The following STARD13 variants were observed in gnomAD, a reference collection of about 807,000 sequenced individuals.
The protein encoded by STARD13 is stAR-related lipid transfer protein 13.
In STARD13, 62 loss-of-function variants were observed where a neutral mutation model predicts 106.4. The ratio of observed to expected loss-of-function variants is 0.58; its 90% CI spans 0.48 to 0.72. The LOEUF (loss-of-function observed/expected upper bound fraction) is 0.72, where lower values mean the gene tolerates loss of function less well. STARD13 is among the 30% of genes least tolerant of loss of function. The pLI is 0.00. For synonymous variants in STARD13, 565 were observed against 553.0 expected (o/e 1.02, Z -0.31); for missense variants, 1,387 against 1,424.0 (o/e 0.97, Z 0.42).
the STARD13 span, among the ~76,000 whole-genome samples, chr13:33,502,874 TATCAGGATG>T: frequency 6.6e-6 from 1 of 152,136 alleles, no homozygotes; most frequent in Non-Finnish European, 1.5e-5. Context: ...CAGGCGTTGG[TATCAGGATG>T]ATGCTGGCCT....
At chr13:33,541,355 T>C in the STARD13 span, among the ~76,000 whole-genome samples, 1 of 152,218 alleles carries the variant, frequency 6.6e-6, no homozygotes. Flanking sequence ...TGTTTTCTAG[T>C]ATCTTCCAAC....
At chr13:33,666,398 G>T in the STARD13 span, among the ~76,000 whole-genome samples, 1 of 151,880 alleles carries the variant, frequency 6.6e-6, no homozygotes, top group East Asian at 1.9e-4. Context: ...GGTTCACGCC[G>T]TTCTCCTGCC....
At chr13:33,379,991 AAC>A in the STARD13 span, among the ~76,000 whole-genome samples, 1 of 139,222 alleles carries the variant, frequency 7.2e-6, no homozygotes, top group South Asian at 2.1e-4. Flanking sequence ...GACTCATAAA[AAC>A]ACATAATTTT....
intron 1 of STARD13, among the ~76,000 whole-genome samples, chr13:33,226,153 C>T (rs78419462): frequency 0.013 from 1,960 of 152,308 alleles, 55 homozygotes; most frequent in African/African-American, 0.045. Context: ...CTTCCATCCT[C>T]CAGAACTGTG....
At chr13:33,584,018 T>A in the STARD13 span, among the ~76,000 whole-genome samples, 1 of 152,264 alleles carries the variant, frequency 6.6e-6, no homozygotes, top group Non-Finnish European at 1.5e-5. Flanking sequence ...TAATTCTATC[T>A]GTAATTTTTT....
At chr13:33,502,826 G>A in the STARD13 span, among the ~76,000 whole-genome samples, 93 of 152,186 alleles carry the variant, frequency 6.1e-4, no homozygotes, top group Non-Finnish European at 1.1e-3. Context: ...GTTCATCAGG[G>A]ATATTTGTCT....
the STARD13 span, among the ~76,000 whole-genome samples, chr13:33,356,329 A>T: frequency 2.6e-5 from 4 of 152,372 alleles, no homozygotes; most frequent in East Asian, 7.7e-4. Flanking sequence ...CTGTCTTAGT[A>T]TACATAGAGT....
the STARD13 span, among the ~76,000 whole-genome samples, chr13:33,592,304 T>C: frequency 6.6e-6 from 1 of 152,230 alleles, no homozygotes; most frequent in Admixed American, 6.5e-5. Flanking sequence ...CTTTAGTTTG[T>C]ATCAGTTTTC....
rs1331618733 is a variant in STARD13, at chr13:33,222,648, T to C, written c.170-55026A>G. Among the ~76,000 whole-genome samples the C allele has an allele frequency of 2.0e-5, 3 of 152,206 alleles. No individual in the cohort carries two copies. In the South Asian group the frequency reaches 6.2e-4, roughly 32 times the overall value. On this transcript the variant is annotated intron_variant, in intron 1 of 13. Transcript: ENST00000336934. ...CTGTTGCCTTTTCCTACGACACACA[T>C]CATGTCTACTTCTCCTGGGTTTCCA...
chr13:33,242,104 T>C lies in STARD13; in HGVS notation c.169+43366A>G, dbSNP rs1889547755. Reference sequence around the variant, plus strand: ...CAGTCTGGGATCTGAGGAGTGTCTCTGCCCCGCCGCCACCCCATCTGGAAG... The same window carrying C: ...CAGTCTGGGATCTGAGGAGTGTCTCCGCCCCGCCGCCACCCCATCTGGAAG... On this transcript the variant is annotated intron_variant, in intron 1 of 13. Transcript: ENST00000336934. Among the ~76,000 whole-genome samples, 3 of 151,658 alleles carry C rather than the reference T, an allele frequency of 2.0e-5. No individual in the cohort carries two copies. In the South Asian group the frequency reaches 6.3e-4, roughly 32 times the overall value.
intron 5 of STARD13, 122 bp downstream of exon 5, chr13:33,128,807 A>G (rs1566005588): frequency 1.0e-6 from 1 of 955,554 alleles, no homozygotes; most frequent in East Asian, 2.5e-5. Context: ...CTAATCACAT[A>G]CATCACTTAG....
intron 1 of STARD13, among the ~76,000 whole-genome samples, chr13:33,283,180 C>G (rs998353443): frequency 6.6e-6 from 1 of 152,082 alleles, no homozygotes; most frequent in Non-Finnish European, 1.5e-5. Flanking sequence ...GTGACCAATT[C>G]TGGTCCTATA....
intron 7 of STARD13, among the ~76,000 whole-genome samples, chr13:33,124,048 G>A (rs926041845): frequency 2.6e-5 from 4 of 152,214 alleles, no homozygotes; most frequent in African/African-American, 9.7e-5. Flanking sequence ...TTCGTTTGGT[G>A]TTGCTCTCCT....
At chr13:33,292,159 G>A (rs1220614744) in intron 1 of STARD13, among the ~76,000 whole-genome samples, 1 of 152,166 alleles carries the variant, frequency 6.6e-6, no homozygotes, top group Non-Finnish European at 1.5e-5. Flanking sequence ...ATGAAGTCCT[G>A]CACATTTGCT....
At chr13:33,437,256 C>A in the STARD13 span, among the ~76,000 whole-genome samples, 9 of 152,112 alleles carry the variant, frequency 5.9e-5, no homozygotes, top group African/African-American at 1.2e-4. Flanking sequence ...CCGGTGCATG[C>A]AGCCCCCAGT....
intron 1 of STARD13, among the ~76,000 whole-genome samples, chr13:33,184,159 A>G (rs1006823159): frequency 6.6e-6 from 1 of 152,130 alleles, no homozygotes; most frequent in African/African-American, 2.4e-5. Flanking sequence ...CCTTCTGATA[A>G]TTATAGCCAC....
chr13:33,647,954 T>C, the STARD13 span, among the ~76,000 whole-genome samples: 1 of 152,222 alleles, frequency 6.6e-6, no homozygotes. Flanking sequence ...ATTTTTAATA[T>C]AGTCTTATCT....
intron 3 of STARD13, among the ~76,000 whole-genome samples, chr13:33,146,645 G>C (rs902550921): frequency 1.3e-5 from 2 of 152,104 alleles, no homozygotes; most frequent in Non-Finnish European, 2.9e-5. Flanking sequence ...CAGTGAAAAA[G>C]GTTAAGTGAA....
At chr13:33,523,842 G>A in the STARD13 span, among the ~76,000 whole-genome samples, 1 of 152,128 alleles carries the variant, frequency 6.6e-6, no homozygotes, top group African/African-American at 2.4e-5. Context: ...CTCTTTTCTG[G>A]ATCTCCGAAC....
Sources: gnomAD v4.1 joint callset for allele counts (sites outside exome capture counted in the v4.1 genomes callset) on GRCh38, gnomAD v4.1.1 for gene constraint, MANE v1.5 for transcripts, NCBI Gene and HGNC (gene_info 2026-07-23, HGNC 2026-07-21) for gene names.